Variants in AAK1 observed in about 807,000 individuals in gnomAD.
AAK1 encodes AP2 associated kinase 1.
Under a neutral mutation model 116.0 loss-of-function variants are expected in AAK1, and 37 were observed. The ratio of observed to expected loss-of-function variants is 0.32; its 90% CI spans 0.25 to 0.42. The LOEUF is 0.42. AAK1 is among the 10% of genes least tolerant of loss of function. AAK1 has a pLI of 1.00. For missense variants in AAK1, 919 were observed against 1,170.6 expected (o/e 0.79, Z 3.14); for synonymous variants, 458 against 439.9 (o/e 1.04, Z -0.51).
intron 2 of AAK1, among the ~76,000 whole-genome samples, chr2:69,633,320 G>T (rs1675290819): frequency 6.6e-6 from 1 of 151,332 alleles, no homozygotes; most frequent in Admixed American, 6.6e-5. Context: ...GAAGTCAGCA[G>T]TGCCAGGCAC....
intron 5 of AAK1, among the ~76,000 whole-genome samples, chr2:69,539,952 TTC>T (rs1323943222): frequency 6.6e-6 from 1 of 152,230 alleles, no homozygotes; most frequent in African/African-American, 2.4e-5. Flanking sequence ...TTTCATCTAT[TTC>T]TGTTTCAAGT....
intron 2 of AAK1, among the ~76,000 whole-genome samples, chr2:69,576,456 G>A (rs146376108): frequency 1.3e-3 from 198 of 152,030 alleles, no homozygotes; most frequent in African/African-American, 4.2e-3. Context: ...ATTAAGCCCA[G>A]TACCCAATAG....
intron 16 of AAK1, among the ~76,000 whole-genome samples, chr2:69,500,698 TACACACAC>T (rs563907265): frequency 1.0e-3 from 68 of 65,096 alleles, no homozygotes; most frequent in Non-Finnish European, 1.6e-3. Flanking sequence ...TATATATATA[TACACACAC>T]ACACACACAC....
Position 69,464,397 on chromosome 2 carries a change from A to G in AAK1, c.*11472T>C, listed in dbSNP as rs1674422804. The G allele has an allele frequency of 6.6e-6, 1 of 152,312 alleles. No homozygotes were observed. Among genetic ancestry groups the G allele is most frequent in the African/African-American group, 2.4e-5 (1 of 41,466 alleles). 9.4% of individuals were successfully genotyped at this position (152,312 alleles called of 1,614,324 possible). ...GAAAATTAATTTTTCATAATCAGGT[A>G]AATATAATTTGTTAATAGCAAAACA... On this transcript the variant is annotated 3_prime_UTR_variant, in exon 22 of 22. Transcript: ENST00000409085.
intron 2 of AAK1, among the ~76,000 whole-genome samples, chr2:69,629,168 T>A (rs1665831335): frequency 6.6e-6 from 1 of 152,216 alleles, no homozygotes; most frequent in Non-Finnish European, 1.5e-5. Context: ...AATCTATGCA[T>A]TTTCAAATTA....
At chr2:69,506,155 C>T (rs1050232633) in intron 15 of AAK1, among the ~76,000 whole-genome samples, 1 of 152,114 alleles carries the variant, frequency 6.6e-6, no homozygotes, top group Admixed American at 6.5e-5. Context: ...AATGTGAAAG[C>T]TGACAGCTGA....
At chr2:69,485,754 A>C in intron 17 of AAK1, among the ~76,000 whole-genome samples, 1 of 149,686 alleles carries the variant, frequency 6.7e-6, no homozygotes. Flanking sequence ...TCCCTCTCCC[A>C]TGTTCAAGCG....
Position 69,494,028 on chromosome 2 carries a change from C to T in AAK1, c.2365+1957G>A, listed in dbSNP as rs1395539275. On this transcript the variant is annotated intron_variant, in intron 17 of 21. Transcript: ENST00000409085. ...ATGCCCCCTCAGTGATATGAGAATT[C>T]ACCAAAGCACAGAAGAGTTAACTGT... 2.6e-5 allele frequency among the ~76,000 whole-genome samples: 4 copies of T among 152,120 alleles called. No homozygotes were observed. The East Asian group carries it at 7.7e-4, about 29-fold the overall frequency.
At chr2:69,482,873 A>T (rs1437272340) in intron 17 of AAK1, 61 bp from the exon 18 acceptor site, 1 of 1,003,646 alleles carries the variant, frequency 1.0e-6, no homozygotes, top group African/African-American at 1.6e-5. Context: ...AAGCCAGCGG[A>T]TCATTCACTA....
At position 69,459,799 on chromosome 2, in the gene AAK1, A is replaced by G. The variant is rs941447279; in HGVS notation, c.*16070T>C. 1.3e-5 allele frequency: 2 copies of G among 152,108 alleles called. No homozygotes were observed. The highest frequency in any genetic ancestry group is 4.8e-5 in the African/African-American group (2 of 41,416). The allele number at this position is 152,108 out of a possible 1,614,324, so 9.4% of individuals were successfully genotyped here. A position where few individuals can be genotyped will look rare whatever the true frequency, so the allele number is the denominator to read the frequency against. ...GGGACTTGAACAAAAACAATTCCCA[A>G]CCACATACTACTTTTCAAGCATTTT... is the stretch of plus-strand genomic sequence containing the variant. On this transcript the variant is annotated 3_prime_UTR_variant, in exon 22 of 22. Coordinates refer to ENST00000409085, the MANE Select transcript of AAK1 (RefSeq NM_014911.5).
At chr2:69,550,671 A>G (rs930716297) in intron 3 of AAK1, among the ~76,000 whole-genome samples, 2 of 151,748 alleles carry the variant, frequency 1.3e-5, no homozygotes, top group African/African-American at 4.9e-5. Context: ...TCTGGAATGC[A>G]GTGGCACAAT....
chr2:69,468,962 T>C lies in AAK1; in HGVS notation c.*6907A>G. The C allele has an allele frequency of 1.0e-6, 1 of 985,370 alleles. No individual in the cohort carries two copies. Among genetic ancestry groups the C allele is most frequent in the Non-Finnish European group, 1.2e-6 (1 of 829,888 alleles). 61.0% of individuals were successfully genotyped at this position (985,370 alleles called of 1,614,324 possible). On this transcript the variant is annotated 3_prime_UTR_variant, in exon 22 of 22. Transcript: ENST00000409085. ...ATCAGACTTAAAATTCCAACAACTT[T>C]GAATAATTTACAAAAACAGTCACAA...
intron 13 of AAK1, among the ~76,000 whole-genome samples, chr2:69,511,895 T>G (rs1034430428): frequency 6.6e-6 from 1 of 152,222 alleles, no homozygotes; most frequent in Non-Finnish European, 1.5e-5. Flanking sequence ...CACTAAGTGG[T>G]TTGTATCTGT....
chr2:69,562,436 C>T (rs189203346), intron 2 of AAK1, among the ~76,000 whole-genome samples: 3 of 152,292 alleles, frequency 2.0e-5, no homozygotes, highest in African/African-American at 4.8e-5. Context: ...ATAACTTGGA[C>T]TTCTACCTGC....
intron 2 of AAK1, among the ~76,000 whole-genome samples, chr2:69,572,221 AT>A (rs1195622653): frequency 7.2e-5 from 11 of 152,024 alleles, no homozygotes; most frequent in African/African-American, 2.7e-4. Context: ...AGAATTACTG[AT>A]TTTTTCTTGG....
rs1167027177 is a variant in AAK1 at position 69,465,656 on chromosome 2, T to C, written c.*10213A>G. The C allele has an allele frequency of 7.7e-6, 10 of 1,290,780 alleles. No individual in the cohort carries two copies. Among genetic ancestry groups the C allele is most frequent in the Non-Finnish European group, 7.1e-6 (7 of 988,870 alleles). 80.0% of individuals were successfully genotyped at this position (1,290,780 alleles called of 1,614,324 possible). On this transcript the variant is annotated 3_prime_UTR_variant, in exon 22 of 22. Coordinates refer to ENST00000409085, the MANE Select transcript of AAK1 (RefSeq NM_014911.5). ...TGGATAAGGACTGGGGGCGGAATGGTTTGCCAGCCATGGGGCCTGAGACAG... is the reference window on the plus strand; with the variant it reads ...TGGATAAGGACTGGGGGCGGAATGGCTTGCCAGCCATGGGGCCTGAGACAG...
At chr2:69,610,262 T>G (rs1264463388) in intron 2 of AAK1, among the ~76,000 whole-genome samples, 1 of 152,032 alleles carries the variant, frequency 6.6e-6, no homozygotes, top group Non-Finnish European at 1.5e-5. Context: ...GGGGAAAGGA[T>G]AACCTCTTCA....
At chr2:69,530,254 CTAT>C (rs1313016478) in intron 7 of AAK1, 114 bp from the exon 8 acceptor site, 1 of 1,094,656 alleles carries the variant, frequency 9.1e-7, no homozygotes, top group Non-Finnish European at 1.3e-6. Context: ...AAACTATAGA[CTAT>C]TAATGTATTA....
At chr2:69,541,175 C>T (rs982505426) in intron 5 of AAK1, among the ~76,000 whole-genome samples, 3 of 150,452 alleles carry the variant, frequency 2.0e-5, no homozygotes, top group Non-Finnish European at 2.9e-5. Flanking sequence ...TAGATAGTAG[C>T]GATGGTTACA....
Sources: allele counts gnomAD v4.1 joint callset (sites outside exome capture counted in the v4.1 genomes callset), GRCh38; gene constraint gnomAD v4.1.1; transcripts MANE v1.5; gene names NCBI Gene and HGNC (gene_info 2026-07-23, HGNC 2026-07-21).